CLEC5A: variants seen among roughly 807,000 people sequenced by gnomAD.
CLEC5A encodes the protein C-type lectin domain containing 5A, also known as C-type lectin domain family 5 member A.
CLEC5A carries 15 observed loss-of-function variants against 24.4 expected under a neutral mutation model. That is an observed-to-expected ratio of 0.62 (90% confidence interval 0.41 to 0.95). The LOEUF is 0.95. Ranked by LOEUF, CLEC5A falls within the 40% of genes least tolerant of loss-of-function variation. The probability of loss-of-function intolerance (pLI) is 0.00; values close to 1 mark genes in which losing one functional copy is unlikely to be tolerated. For missense variants in CLEC5A, 211 were observed against 224.0 expected (o/e 0.94, Z 0.37); for synonymous variants, 71 against 72.6 (o/e 0.98, Z 0.11).
chr7:141,946,335 G>C, intron 1 of CLEC5A, 23 bp from the exon 2 acceptor site: 1 of 1,547,562 alleles, frequency 6.5e-7, no homozygotes, highest in Non-Finnish European at 8.7e-7. Flanking sequence ...GAGCACAGCA[G>C]CATCAGAATT....
intron 6 of CLEC5A, 76 bp downstream of exon 6, chr7:141,931,644 G>C (rs1554440362): frequency 1.2e-6 from 1 of 820,150 alleles, no homozygotes; most frequent in Admixed American, 1.7e-5. Context: ...GCTATTCCAG[G>C]GTGAACCCAG....
chr7:141,931,606 C>T (rs1357078058), intron 6 of CLEC5A, 114 bp downstream of exon 6: 2 of 683,228 alleles, frequency 2.9e-6, no homozygotes, highest in East Asian at 2.6e-5. Context: ...AGGAGAAGAG[C>T]AGAACAGAGT....
intron 4 of CLEC5A, among the ~76,000 whole-genome samples, chr7:141,938,611 G>A (rs1802697127): frequency 6.6e-6 from 1 of 152,168 alleles, no homozygotes; most frequent in African/African-American, 2.4e-5. Context: ...CCTAGGGAAA[G>A]ATATCAATAT....
At chr7:141,945,268 G>A in intron 3 of CLEC5A, 73 bp downstream of exon 3, 2 of 1,045,916 alleles carry the variant, frequency 1.9e-6, no homozygotes, top group Non-Finnish European at 3.0e-6. Context: ...AGGAGGCTGT[G>A]TGGAAGGTCT....
At chr7:141,934,593 C>T (rs1201944948) in intron 5 of CLEC5A, among the ~76,000 whole-genome samples, 1 of 141,742 alleles carries the variant, frequency 7.1e-6, no homozygotes, top group Non-Finnish European at 1.5e-5. Context: ...GCCATGATGA[C>T]CTTTGTCTTT....
rs782120050 is a variant in CLEC5A, at chr7:141,946,305, G to T, written c.-13C>A. ...TGTGCCAGTTCATGATGAAGGAGCT[G>T]CAGGGGCCTGTGAAGATTAGAGCAC... On this transcript the variant is annotated 5_prime_UTR_variant, in exon 2 of 7. Transcript: ENST00000546910. 4 of 1,559,972 alleles carry T rather than the reference G, an allele frequency of 2.6e-6. No homozygotes were observed. Among genetic ancestry groups the T allele is most frequent in the Non-Finnish European group, 2.6e-6 (3 of 1,150,798 alleles).
At chr7:141,935,490 A>G (rs1802590419) in intron 5 of CLEC5A, among the ~76,000 whole-genome samples, 1 of 152,142 alleles carries the variant, frequency 6.6e-6, no homozygotes, top group African/African-American at 2.4e-5. Context: ...AACAACTTTT[A>G]TACACATCAT....
At chr7:141,936,796 C>T (rs1802644127) in intron 4 of CLEC5A, among the ~76,000 whole-genome samples, 2 of 152,048 alleles carry the variant, frequency 1.3e-5, no homozygotes, top group South Asian at 4.1e-4. Flanking sequence ...GAGACCCTTT[C>T]TTTCTGCTTG....
At chr7:141,931,326 A>C (rs146739906) in intron 6 of CLEC5A, among the ~76,000 whole-genome samples, 4 of 152,200 alleles carry the variant, frequency 2.6e-5, no homozygotes, top group Admixed American at 2.0e-4. Flanking sequence ...GATGGCTAGC[A>C]TCCAGTCTAG....
intron 4 of CLEC5A, chr7:141,936,242 T>C (rs1369268471): frequency 1.1e-5 from 4 of 380,640 alleles, no homozygotes; most frequent in African/African-American, 6.3e-5. Context: ...TATACATACA[T>C]GAGAACAAAA....
intron 6 of CLEC5A, 176 bp downstream of exon 6, chr7:141,931,544 A>G: frequency 1.8e-6 from 1 of 541,950 alleles, no homozygotes; most frequent in Admixed American, 3.5e-5. Flanking sequence ...GATCTCTTTC[A>G]TAAGAAAACA....
intron 4 of CLEC5A, among the ~76,000 whole-genome samples, chr7:141,941,627 T>G (rs1554441668): frequency 6.6e-6 from 1 of 152,044 alleles, no homozygotes; most frequent in Admixed American, 6.6e-5. Flanking sequence ...TTGGAAAGGA[T>G]GAAGTCAATT....
At chr7:141,934,247 A>G (rs1264086268) in intron 5 of CLEC5A, among the ~76,000 whole-genome samples, 1 of 152,248 alleles carries the variant, frequency 6.6e-6, no homozygotes, top group Non-Finnish European at 1.5e-5. Context: ...AACTGGAGGC[A>G]AGGAGATGGA....
At chr7:141,943,696 AAT>A (rs1802864899) in intron 4 of CLEC5A, among the ~76,000 whole-genome samples, 198 bp downstream of exon 4, 1 of 152,158 alleles carries the variant, frequency 6.6e-6, no homozygotes, top group Admixed American at 6.6e-5. Flanking sequence ...GTAACTCATG[AAT>A]ATATATACCT....
rs1409089500 is a variant in CLEC5A, at chr7:141,927,400, G to T, written c.*2704C>A. 1 of 152,218 alleles carries T rather than the reference G, an allele frequency of 6.6e-6. No homozygotes were observed. The highest frequency in any genetic ancestry group is 6.5e-5 in the Admixed American group (1 of 15,276). The allele number at this position is 152,218 out of a possible 1,614,324, so 9.4% of individuals were successfully genotyped here. On this transcript the variant is annotated 3_prime_UTR_variant, in exon 7 of 7. Transcript: ENST00000546910. ...TTAATGTTTTAACAAGATCATCCTG[G>T]TTGCTGGATGAACAATACACGAAAG...
intron 5 of CLEC5A, among the ~76,000 whole-genome samples, chr7:141,933,575 CATATATATATATATATATATATATAT>C (rs3043785): frequency 1.9e-4 from 22 of 115,230 alleles, no homozygotes; most frequent in African/African-American, 7.5e-4. Context: ...AGGGAGCAGG[CATATATATATATATATATATATATAT>C]ATATATATAT....
At chr7:141,936,890 G>A (rs1345622875) in intron 4 of CLEC5A, among the ~76,000 whole-genome samples, 3 of 151,920 alleles carry the variant, frequency 2.0e-5, no homozygotes, top group Admixed American at 6.6e-5. Flanking sequence ...AGTCAGAGTC[G>A]TGAGGTCCCC....
rs114171429 is a variant in CLEC5A, at chr7:141,937,929, G to C, written c.209-1979C>G. 4.3e-3 allele frequency among the ~76,000 whole-genome samples: 661 copies of C among 152,324 alleles called. 5 individuals are homozygous for C. The highest frequency in any genetic ancestry group is 0.015 in the African/African-American group (635 of 41,568). On this transcript the variant is annotated intron_variant, in intron 4 of 6. Transcript: ENST00000546910. Reference sequence around the variant, plus strand: ...AGATCTTATCCAAGACCAACCAGGTGGGTACCTCTACGAGTCTGCAAGACC... The same window carrying C: ...AGATCTTATCCAAGACCAACCAGGTCGGTACCTCTACGAGTCTGCAAGACC...
chr7:141,938,507 C>A (rs1046749532), intron 4 of CLEC5A, among the ~76,000 whole-genome samples: 77 of 151,950 alleles, frequency 5.1e-4, no homozygotes, highest in African/African-American at 1.8e-3. Context: ...CTCAAAAGGG[C>A]AAATGTAAGA....
Sources: gnomAD v4.1 joint callset for allele counts (sites outside exome capture counted in the v4.1 genomes callset) on GRCh38, gnomAD v4.1.1 for gene constraint, MANE v1.5 for transcripts, NCBI Gene and HGNC (gene_info 2026-07-23, HGNC 2026-07-21) for gene names.